FBXO22: variants seen among roughly 807,000 people sequenced by gnomAD.
FBXO22 encodes F-box protein 22.
FBXO22 carries 13 observed loss-of-function variants against 37.2 expected under a neutral mutation model. The observed-to-expected ratio is 0.35, with a 90% confidence interval of 0.23 to 0.56. FBXO22 has a LOEUF of 0.56. Among genes scored for constraint, FBXO22 ranks in the 20% least tolerant of loss-of-function variants. FBXO22 has a pLI of 0.87. For synonymous variants in FBXO22, 189 were observed against 189.1 expected (o/e 1.00, Z 0.00); for missense variants, 446 against 509.9 (o/e 0.87, Z 1.21).
At chr15:75,921,043 A>T (rs781326060) in intron 5 of FBXO22, among the ~76,000 whole-genome samples, 1 of 152,218 alleles carries the variant, frequency 6.6e-6, no homozygotes, top group Non-Finnish European at 1.5e-5. Flanking sequence ...ACAGCCTACT[A>T]TATGTGTAGG....
chr15:75,942,318 G>GC lies in FBXO22; in HGVS notation c.*9218dup, dbSNP rs2031074602. On this transcript the variant is annotated 3_prime_UTR_variant, in exon 7 of 7. Transcript: ENST00000308275. ...TCATGTAAATTACAGGCTTCAGCTA[G>GC]CCTGGATGACAGAGTGAGACTTTGT... 6.6e-6 allele frequency: 1 copy of GC among 152,074 alleles called. No individual in the cohort carries two copies. Among genetic ancestry groups the GC allele is most frequent in the South Asian group, 2.1e-4 (1 of 4,828 alleles). 9.4% of individuals were successfully genotyped at this position (152,074 alleles called of 1,614,324 possible).
chr15:75,916,712 G>T (rs940778898), intron 4 of FBXO22, among the ~76,000 whole-genome samples: 7 of 151,996 alleles, frequency 4.6e-5, no homozygotes, highest in African/African-American at 1.7e-4. Context: ...CATTTTAATG[G>T]CTATATTCTA....
At chr15:75,929,803 G>A in intron 5 of FBXO22, 81 bp from the exon 6 acceptor site, 1 of 1,565,564 alleles carries the variant, frequency 6.4e-7, no homozygotes. Context: ...GTGCAAGTCA[G>A]TAACATTTCA....
intron 3 of FBXO22, 48 bp downstream of exon 3, chr15:75,913,338 C>A: frequency 7.6e-7 from 1 of 1,322,730 alleles, no homozygotes; most frequent in South Asian, 1.2e-5. Flanking sequence ...TATCATGTGC[C>A]TTCCGTTCGG....
At position 75,932,921 on chromosome 15, in the gene FBXO22, C is replaced by T. The variant is rs1379715269; in HGVS notation, c.1031C>T (p.Ala344Val). ...GCCAAGGGGAATGTTGAGGCTGATG[C>T]ATTTAGAAAGTTTTTTCCTAGTGTT... ...YRAKGNVEAD[A>V]FRKFFPSVPL... The change falls in exon 7 of 7, where the codon GCA becomes GTA. Residue 344 changes from alanine to valine, a missense_variant. This residue lies in a region of FBXO22 where 315 missense variants were observed against 410.1 expected (regional missense o/e 0.77). Transcript: ENST00000308275. 6.2e-7 allele frequency: 1 copy of T among 1,614,080 alleles called. No homozygotes were observed. Among genetic ancestry groups the T allele is most frequent in the Non-Finnish European group, 8.5e-7 (1 of 1,180,040 alleles).
Position 75,913,280 on chromosome 15 carries a change from C to G in FBXO22, c.357C>G (p.Gly119=), listed in dbSNP as rs1159061636. The G allele has an allele frequency of 6.2e-7, 1 of 1,603,596 alleles. No individual in the cohort carries two copies. The highest frequency in any genetic ancestry group is 1.7e-5 in the Admixed American group (1 of 59,860). The change falls in exon 3 of 7, where the codon GGC becomes GGG. Residue 119 remains glycine, a synonymous_variant. Transcript: ENST00000308275. The part of the protein sequence containing the change: ...ETFISLEECR[G]HKRARKRTSM... The stretch of plus-strand genomic sequence containing the variant: ...TCATTAGTCTGGAAGAGTGTCGTGG[C>G]CATAAGAGAGGTAAATATCAAAAGA...
intron 1 of FBXO22, 76 bp downstream of exon 1, chr15:75,904,179 G>GGA: frequency 5.5e-6 from 8 of 1,463,236 alleles, no homozygotes; most frequent in Middle Eastern, 5.0e-4. Flanking sequence ...CGGGGTGGGG[G>GGA]GAGAGACCCT....
chr15:75,904,328 G>A (rs1899870333), intron 1 of FBXO22, 163 bp from the exon 2 acceptor site: 2 of 1,165,318 alleles, frequency 1.7e-6, no homozygotes, highest in African/African-American at 3.1e-5. Flanking sequence ...TCCATATCTG[G>A]CTCTTCTTCC....
At chr15:75,905,633 T>A (rs1401354293) in intron 2 of FBXO22, 2 of 152,264 alleles carry the variant, frequency 1.3e-5, no homozygotes, top group Non-Finnish European at 2.9e-5. Context: ...CAAAAAGATC[T>A]GTTCCCAATT....
intron 1 of FBXO22, 157 bp from the exon 2 acceptor site, chr15:75,904,334 C>T (rs555824722): frequency 1.4e-5 from 17 of 1,213,202 alleles, no homozygotes; most frequent in Middle Eastern, 5.6e-4. Context: ...TCTGGCTCTT[C>T]TTCCGAACTA....
chr15:75,932,487 T>C (rs1390358099), intron 6 of FBXO22, among the ~76,000 whole-genome samples, 198 bp from the exon 7 acceptor site: 1 of 152,218 alleles, frequency 6.6e-6, no homozygotes, highest in African/African-American at 2.4e-5. Context: ...TGGTGGCTTC[T>C]CTTGATCTGC....
chr15:75,904,826 CTTTT>C (rs3991408), intron 2 of FBXO22, among the ~76,000 whole-genome samples, 197 bp downstream of exon 2: 1 of 136,118 alleles, frequency 7.3e-6, no homozygotes. Flanking sequence ...AATGTTGGGC[CTTTT>C]TTTTTTTTTT....
At chr15:75,905,773 A>G (rs1487504027) in intron 2 of FBXO22, 1 of 152,198 alleles carries the variant, frequency 6.6e-6, no homozygotes, top group African/African-American at 2.4e-5. Context: ...ACATCCATCA[A>G]TTGTGTCTTT....
intron 5 of FBXO22, among the ~76,000 whole-genome samples, chr15:75,929,385 G>C (rs188516568): frequency 8.0e-4 from 122 of 152,158 alleles, no homozygotes; most frequent in African/African-American, 2.9e-3. Flanking sequence ...GTTTGATGTG[G>C]ATATACCTTT....
At position 75,940,970 on chromosome 15, in the gene FBXO22, CAAAG is replaced by C. The variant is rs1433261782; in HGVS notation, c.*7871_*7874del. 1.3e-5 allele frequency: 2 copies of C among 152,010 alleles called. No individual in the cohort carries two copies. The highest frequency in any genetic ancestry group is 6.6e-5 in the Admixed American group (1 of 15,252). The allele number at this position is 152,010 out of a possible 1,614,324, so 9.4% of individuals were successfully genotyped here. On this transcript the variant is annotated 3_prime_UTR_variant, in exon 7 of 7. Transcript: ENST00000308275. Reference sequence around the variant, plus strand: ...TATACTTCATTAAAATTTTGTGCATCAAAGAACACTATCAACAGAGTAAAAAGAT... The same window carrying C: ...TATACTTCATTAAAATTTTGTGCATCAACACTATCAACAGAGTAAAAAGAT...
chr15:75,908,495 C>T (rs1386012555), intron 2 of FBXO22, among the ~76,000 whole-genome samples: 1 of 151,970 alleles, frequency 6.6e-6, no homozygotes, highest in African/African-American at 2.4e-5. Context: ...CTGGTCTCAC[C>T]CTGGCCTCAG....
intron 5 of FBXO22, among the ~76,000 whole-genome samples, chr15:75,928,653 G>A (rs1042879172): frequency 2.0e-5 from 3 of 152,086 alleles, no homozygotes; most frequent in Admixed American, 2.0e-4. Context: ...TTACCTGGGT[G>A]ATGAAATAAT....
rs771825258 is a variant in FBXO22, at chr15:75,933,048, G to C, written c.1158G>C (p.Leu386=). 1.2e-6 allele frequency: 2 copies of C among 1,614,116 alleles called. No individual in the cohort carries two copies. The highest frequency in any genetic ancestry group is 1.7e-6 in the Non-Finnish European group (2 of 1,180,000). ...RKCNEVKDDD[L]FHSYTTIMAL... ...GTAATGAGGTAAAAGATGATGATCTGTTTCATAGCTATACAACAATAATGG... is the reference window on the plus strand; with the variant it reads ...GTAATGAGGTAAAAGATGATGATCTCTTTCATAGCTATACAACAATAATGG... Residue 386 remains leucine (L), a synonymous_variant, in exon 7 of 7, where the codon CTG becomes CTC. Coordinates refer to ENST00000308275, the MANE Select transcript of FBXO22 (RefSeq NM_147188.3).
At chr15:75,912,976 A>G (rs1187680583) in intron 2 of FBXO22, among the ~76,000 whole-genome samples, 1 of 152,150 alleles carries the variant, frequency 6.6e-6, no homozygotes, top group African/African-American at 2.4e-5. Flanking sequence ...CCTTGTTCTC[A>G]TTGGTTTCAA....
Sources: gnomAD v4.1 joint callset for allele counts (sites outside exome capture counted in the v4.1 genomes callset) on GRCh38, gnomAD v4.1.1 for gene constraint, gnomAD v4.1.1 regional missense constraint, MANE v1.5 for transcripts, NCBI Gene and HGNC (gene_info 2026-07-23, HGNC 2026-07-21) for gene names.